KLHL29: variants seen among roughly 807,000 people sequenced by gnomAD.
The protein encoded by KLHL29 is kelch like family member 29, also known as kelch-like protein 29.
A neutral mutation model predicts 80.4 loss-of-function variants in KLHL29; 21 were observed. The observed-to-expected ratio is 0.26, with a 90% confidence interval of 0.19 to 0.38. The LOEUF (loss-of-function observed/expected upper bound fraction) is 0.38, where lower values mean the gene tolerates loss of function less well. Ranked by LOEUF, KLHL29 falls within the 10% of genes least tolerant of loss-of-function variation. The probability of loss-of-function intolerance (pLI) is 1.00; values close to 1 mark genes in which losing one functional copy is unlikely to be tolerated. For missense variants in KLHL29, 867 were observed against 1,223.9 expected (o/e 0.71, Z 4.35); for synonymous variants, 511 against 526.8 (o/e 0.97, Z 0.41).
rs1367842963 is a variant in KLHL29, at chr2:23,558,400, A to G, written c.-45-3752A>G. ...AGGTCTGATTTACTAGGACTGTAAGACATTTTCTCTTTTTTTTTTTTTCTT... is the reference window on the plus strand; with the variant it reads ...AGGTCTGATTTACTAGGACTGTAAGGCATTTTCTCTTTTTTTTTTTTTCTT... On this transcript the variant is annotated intron_variant, in intron 2 of 13. Coordinates refer to ENST00000486442, the MANE Select transcript of KLHL29 (RefSeq NM_052920.2). 7.0e-5 allele frequency among the ~76,000 whole-genome samples: 6 copies of G among 85,724 alleles called. No homozygotes were observed. In the Admixed American group the frequency reaches 7.6e-4, roughly 11 times the overall value. 56.2% of individuals were successfully genotyped at this position (85,724 alleles called of 152,430 possible).
intron 2 of KLHL29, among the ~76,000 whole-genome samples, chr2:23,529,896 G>A (rs993510512): frequency 7.2e-5 from 11 of 152,324 alleles, no homozygotes; most frequent in African/African-American, 2.6e-4. Flanking sequence ...TGAGTCTCAG[G>A]TGTGCCCATG....
chr2:23,469,822 C>G (rs1353974933), intron 1 of KLHL29, among the ~76,000 whole-genome samples: 1 of 151,994 alleles, frequency 6.6e-6, no homozygotes, highest in African/African-American at 2.4e-5. Flanking sequence ...TTTGGTAGGT[C>G]CAGTTGGCAC....
chr2:23,629,034 G>A (rs527964350), intron 3 of KLHL29, among the ~76,000 whole-genome samples: 13 of 152,226 alleles, frequency 8.5e-5, no homozygotes, highest in Non-Finnish European at 1.5e-4. Context: ...TCAGGAGGGC[G>A]CTGCCTTGTC....
At chr2:23,520,686 A>G (rs1186784500) in intron 2 of KLHL29, among the ~76,000 whole-genome samples, 1 of 152,230 alleles carries the variant, frequency 6.6e-6, no homozygotes, top group African/African-American at 2.4e-5. Context: ...ACTTTAAGGA[A>G]AGAAACTTTG....
At chr2:23,472,278 C>T (rs943381662) in intron 1 of KLHL29, among the ~76,000 whole-genome samples, 9 of 152,040 alleles carry the variant, frequency 5.9e-5, no homozygotes, top group South Asian at 2.1e-4. Context: ...GCAAAGATGT[C>T]GGGAAGCAGG....
At chr2:23,472,847 T>C (rs1050173164) in intron 1 of KLHL29, among the ~76,000 whole-genome samples, 5 of 152,230 alleles carry the variant, frequency 3.3e-5, no homozygotes, top group Non-Finnish European at 5.9e-5. Flanking sequence ...TTCAGATGTA[T>C]CTGATTCCAG....
chr2:23,641,566 A>AT (rs147323723), intron 4 of KLHL29, among the ~76,000 whole-genome samples: 66,554 of 152,114 alleles, frequency 0.44, 14,865 homozygotes, highest in Middle Eastern at 0.54. Context: ...CATTCACCAC[A>AT]TGCCAGACAC....
At chr2:23,578,062 G>A (rs751380744) in intron 3 of KLHL29, among the ~76,000 whole-genome samples, 1 of 152,202 alleles carries the variant, frequency 6.6e-6, no homozygotes, top group African/African-American at 2.4e-5. Flanking sequence ...TCATTGGAGT[G>A]TTGTTTGTCC....
At chr2:23,568,482 GGTGCCTCAGTCCTTT>G (rs1191317824) in intron 3 of KLHL29, among the ~76,000 whole-genome samples, 2 of 152,328 alleles carry the variant, frequency 1.3e-5, no homozygotes, top group Admixed American at 6.5e-5. Context: ...TGTTGGCCAA[GGTGCCTCAGTCCTTT>G]GTGGCCTGTC....
At chr2:23,556,067 C>T (rs1005534104) in intron 2 of KLHL29, among the ~76,000 whole-genome samples, 2 of 152,240 alleles carry the variant, frequency 1.3e-5, no homozygotes, top group Admixed American at 1.3e-4. Context: ...GTGACGTGTT[C>T]CCTCCCTTGT....
chr2:23,661,254 A>C (rs1670398118), intron 5 of KLHL29, among the ~76,000 whole-genome samples: 1 of 149,770 alleles, frequency 6.7e-6, no homozygotes, highest in African/African-American at 2.4e-5. Context: ...AAGTGGAAGT[A>C]TTGCCTGAGC....
chr2:23,701,793 C>CTTTT (rs70941586), intron 11 of KLHL29, among the ~76,000 whole-genome samples: 1 of 22,536 alleles, frequency 4.4e-5, no homozygotes, highest in African/African-American at 1.2e-4. Context: ...CTTTTTTTTG[C>CTTTT]TTTTTTTTTT....
intron 3 of KLHL29, among the ~76,000 whole-genome samples, chr2:23,585,953 G>A (rs185204003): frequency 2.1e-4 from 32 of 152,306 alleles, no homozygotes; most frequent in Admixed American, 2.1e-3. Flanking sequence ...GTGGCCTTTG[G>A]AAGGGTTGGC....
chr2:23,388,670 C>G (rs1050539113), intron 1 of KLHL29, among the ~76,000 whole-genome samples: 4 of 152,162 alleles, frequency 2.6e-5, no homozygotes, highest in Non-Finnish European at 5.9e-5. Flanking sequence ...TGGCTACAAA[C>G]CATTCCTAGT....
Position 23,677,005 on chromosome 2 carries a change from C to T in KLHL29, c.941-7394C>T, listed in dbSNP as rs960644614. Among the ~76,000 whole-genome samples, 9 of 152,218 alleles carry T rather than the reference C, an allele frequency of 5.9e-5. 1 individual carries two copies. Among genetic ancestry groups the T allele is most frequent in the Admixed American group, 2.6e-4 (4 of 15,284 alleles). ...ACTACCCACGGCCCAAGCTGGCAGC[C>T]ACCTCTGTTCAATCCTTGGACCTAA... On this transcript the variant is annotated intron_variant, in intron 5 of 13. Coordinates refer to ENST00000486442, the MANE Select transcript of KLHL29 (RefSeq NM_052920.2).
chr2:23,588,630 C>T (rs1202565541), intron 3 of KLHL29, among the ~76,000 whole-genome samples: 2 of 152,238 alleles, frequency 1.3e-5, no homozygotes, highest in African/African-American at 2.4e-5. Context: ...ATTGCCTCTC[C>T]CCTAACCAAA....
Position 23,454,418 on chromosome 2 carries a change from G to C in KLHL29, c.-153-21142G>C, listed in dbSNP as rs573875315. Among the ~76,000 whole-genome samples the C allele has an allele frequency of 4.2e-4, 64 of 152,228 alleles. 1 individual carries two copies. Among genetic ancestry groups the C allele is most frequent in the African/African-American group, 1.5e-3 (62 of 41,536 alleles). The stretch of plus-strand genomic sequence containing the variant: ...TTATTCTTTATTTCACAGAGTAATT[G>C]TTTTAAAACGAATTTTATTTTTATG... On this transcript the variant is annotated intron_variant, in intron 1 of 13. Transcript: ENST00000486442.
In KLHL29 at chr2:23,639,147, C is replaced by T. The variant is rs1669696836; in HGVS notation, c.294C>T (p.Gly98=). Residue 98 remains glycine (G), a synonymous_variant, in exon 4 of 14, where the codon GGC becomes GGT. Coordinates refer to ENST00000486442, the MANE Select transcript of KLHL29 (RefSeq NM_052920.2). ...SASAVTTKAP[G]ISKGDSQSQG... is the part of the protein sequence containing the mutation. The stretch of plus-strand genomic sequence containing the variant: ...TCATCTGCTTCCCACAGGCTCCCGG[C>T]ATCTCCAAAGGGGACAGTCAGTCCC... 3.3e-6 allele frequency: 5 copies of T among 1,531,646 alleles called. No homozygotes were observed. Among genetic ancestry groups the T allele is most frequent in the South Asian group, 1.2e-5 (1 of 80,654 alleles). The allele number at this position is 1,531,646 out of a possible 1,614,324, so 94.9% of individuals were successfully genotyped here. A position where few individuals can be genotyped will look rare whatever the true frequency, so the allele number is the denominator to read the frequency against.
rs976206060 is a variant in KLHL29, at chr2:23,669,098, C to T, written c.941-15301C>T. 4 of 152,040 alleles carry T rather than the reference C, an allele frequency of 2.6e-5. No individual in the cohort carries two copies. Among genetic ancestry groups the T allele is most frequent in the African/African-American group, 9.7e-5 (4 of 41,322 alleles). 9.4% of individuals were successfully genotyped at this position (152,040 alleles called of 1,614,324 possible). A position where few individuals can be genotyped will look rare whatever the true frequency, so the allele number is the denominator to read the frequency against. The stretch of plus-strand genomic sequence containing the variant: ...GTGTGACCACAGGGGACCGCAGACT[C>T]AGCTGATGACGACCCCCACGCGGCC... On this transcript the variant is annotated intron_variant, in intron 5 of 13. Coordinates refer to ENST00000486442, the MANE Select transcript of KLHL29 (RefSeq NM_052920.2). The surrounding 1 kb of genome is among the most constrained non-coding windows in gnomAD (Gnocchi z 4.3).
Sources: allele counts gnomAD v4.1 joint callset (sites outside exome capture counted in the v4.1 genomes callset), GRCh38; gene constraint gnomAD v4.1.1; non-coding constraint Gnocchi (gnomAD v3.1); transcripts MANE v1.5; gene names NCBI Gene and HGNC (gene_info 2026-07-23, HGNC 2026-07-21).